Variants in STYXL1 observed in about 807,000 individuals in gnomAD.
STYXL1 encodes the protein serine/threonine/tyrosine-interacting-like protein 1.
In STYXL1, 32 loss-of-function variants were observed where a neutral mutation model predicts 36.4. The observed-to-expected ratio is 0.88, with a 90% CI of 0.66 to 1.18. STYXL1 has a LOEUF of 1.18. Among genes scored for constraint, STYXL1 ranks in the 50% most tolerant of loss-of-function variants. The pLI, the probability that STYXL1 is intolerant of heterozygous loss-of-function variation, is 0.00. For missense variants in STYXL1, 354 were observed against 394.1 expected, an observed-to-expected ratio of 0.90 and a Z score of 0.86; for synonymous variants, 133 against 144.1, an observed-to-expected ratio of 0.92 and a Z score of 0.55.
intron 1 of STYXL1, among the ~76,000 whole-genome samples, chr7:76,034,301 T>C (rs1554580246): frequency 1.3e-5 from 2 of 152,270 alleles, no homozygotes; most frequent in East Asian, 1.9e-4. Context: ...CTCACTATGT[T>C]GCCCAGGCTG....
intron 5 of STYXL1, among the ~76,000 whole-genome samples, chr7:76,011,228 C>T (rs1023204485): frequency 3.3e-5 from 5 of 152,184 alleles, no homozygotes; most frequent in East Asian, 1.9e-4. Flanking sequence ...ACGTATATAT[C>T]GCCCAACTTC....
chr7:76,020,309 G>A (rs1029424663), intron 4 of STYXL1, among the ~76,000 whole-genome samples: 2 of 152,178 alleles, frequency 1.3e-5, no homozygotes, highest in African/African-American at 4.8e-5. Context: ...GCGCCACCCC[G>A]TGGCAGTTGG....
At chr7:76,010,565 G>A (rs1050227511) in intron 5 of STYXL1, among the ~76,000 whole-genome samples, 1 of 152,142 alleles carries the variant, frequency 6.6e-6, no homozygotes, top group Non-Finnish European at 1.5e-5. Context: ...AGGAGCCAGG[G>A]TGAGGCTGAG....
intron 1 of STYXL1, among the ~76,000 whole-genome samples, chr7:76,033,658 A>G (rs1189522008): frequency 6.6e-6 from 1 of 152,132 alleles, no homozygotes; most frequent in Non-Finnish European, 1.5e-5. Context: ...TTCAGTTCTC[A>G]GCACCCCCTC....
chr7:76,031,752 G>T (rs935420982), intron 1 of STYXL1, among the ~76,000 whole-genome samples: 5 of 151,120 alleles, frequency 3.3e-5, no homozygotes, highest in African/African-American at 1.2e-4. Context: ...TGTGGGCAGA[G>T]AATAAAATCT....
intron 1 of STYXL1, among the ~76,000 whole-genome samples, chr7:76,041,177 CAAAA>C (rs112341556): frequency 8.1e-5 from 7 of 86,036 alleles, no homozygotes; most frequent in African/African-American, 2.2e-4. Flanking sequence ...CCCCCATCTC[CAAAA>C]AAAAAAAAAA....
At chr7:75,999,380 T>C (rs1267700379) in intron 8 of STYXL1, among the ~76,000 whole-genome samples, 1 of 152,178 alleles carries the variant, frequency 6.6e-6, no homozygotes, top group Non-Finnish European at 1.5e-5. Flanking sequence ...AGAGTTGCTG[T>C]TTCAGGTTTG....
intron 3 of STYXL1, among the ~76,000 whole-genome samples, chr7:76,022,866 G>T (rs1330252905): frequency 6.6e-6 from 1 of 152,128 alleles, no homozygotes; most frequent in East Asian, 1.9e-4. Context: ...GTTCAAAGCT[G>T]CAGTGAGCTA....
intron 1 of STYXL1, among the ~76,000 whole-genome samples, chr7:76,035,543 A>AC (rs1377094462): frequency 6.7e-6 from 1 of 149,676 alleles, no homozygotes; most frequent in Non-Finnish European, 1.5e-5. Flanking sequence ...CGCCATCTGG[A>AC]CCTGCCATCA....
intron 7 of STYXL1, among the ~76,000 whole-genome samples, chr7:76,003,109 G>T (rs1791199593): frequency 6.6e-6 from 1 of 152,028 alleles, no homozygotes; most frequent in East Asian, 2.0e-4. Context: ...CCCCAGGAAT[G>T]AGTAAAAAAT....
chr7:76,011,446 C>T (rs1427681600), intron 5 of STYXL1, among the ~76,000 whole-genome samples: 1 of 152,180 alleles, frequency 6.6e-6, no homozygotes, highest in African/African-American at 2.4e-5. Flanking sequence ...AATTCCTAAA[C>T]ACAGTCAAAC....
chr7:76,044,138 T>C (rs879983148), intron 1 of STYXL1: 1 of 152,230 alleles, frequency 6.6e-6, no homozygotes, highest in African/African-American at 2.4e-5. Flanking sequence ...GAGAGGCAGA[T>C]AGGAGCTGAG....
intron 3 of STYXL1, among the ~76,000 whole-genome samples, chr7:76,023,810 C>T (rs752385948): frequency 3.3e-5 from 5 of 151,932 alleles, no homozygotes; most frequent in South Asian, 4.1e-4. Flanking sequence ...GAGGTCAGTT[C>T]GAGATCAGCC....
intron 4 of STYXL1, among the ~76,000 whole-genome samples, chr7:76,020,254 G>T (rs372110708): frequency 9.8e-4 from 150 of 152,312 alleles, no homozygotes; most frequent in African/African-American, 3.3e-3. Flanking sequence ...AGGACCTCCT[G>T]GGACAAAAGT....
chr7:76,021,016 A>G (rs1336799144), intron 4 of STYXL1, among the ~76,000 whole-genome samples: 9 of 151,904 alleles, frequency 5.9e-5, no homozygotes, highest in African/African-American at 1.9e-4. Context: ...TTGCTCTCCA[A>G]CCTGCTTGCT....
chr7:76,018,922 C>G (rs1173794384), intron 4 of STYXL1, among the ~76,000 whole-genome samples: 2 of 152,188 alleles, frequency 1.3e-5, no homozygotes, highest in East Asian at 3.8e-4. Flanking sequence ...GTGACTGCAC[C>G]ATTTTACTTT....
intron 8 of STYXL1, among the ~76,000 whole-genome samples, chr7:75,999,458 C>T (rs555439447): frequency 6.7e-6 from 1 of 148,208 alleles, no homozygotes; most frequent in Non-Finnish European, 1.5e-5. Flanking sequence ...CTAAGCTATA[C>T]ATTTTAAAAT....
intron 3 of STYXL1, among the ~76,000 whole-genome samples, chr7:76,028,428 G>A (rs782058853): frequency 6.6e-6 from 1 of 152,168 alleles, no homozygotes; most frequent in Non-Finnish European, 1.5e-5. Flanking sequence ...AATTAAATCA[G>A]TATTTGTCTA....
intron 4 of STYXL1, among the ~76,000 whole-genome samples, chr7:76,014,548 T>TCA (rs1554573315): frequency 6.6e-6 from 1 of 151,818 alleles, no homozygotes; most frequent in African/African-American, 2.4e-5. Flanking sequence ...AGACAGTGTC[T>TCA]CACTTTTTTG....
Sources: gnomAD v4.1 joint callset for allele counts (sites outside exome capture counted in the v4.1 genomes callset) on GRCh38, gnomAD v4.1.1 for gene constraint, MANE v1.5 for transcripts, NCBI Gene and HGNC (gene_info 2026-07-23, HGNC 2026-07-21) for gene names.